PACRGL: variants seen among roughly 807,000 people sequenced by gnomAD.
PACRGL encodes the protein parkin coregulated like.
A neutral mutation model predicts 34.5 loss-of-function variants in PACRGL; 38 were observed. That is an observed-to-expected ratio of 1.10 (90% CI 0.85 to 1.44). PACRGL has a LOEUF of 1.44. Ranked by LOEUF, PACRGL falls within the 40% of genes most tolerant of loss-of-function variation. The pLI is 0.00. For missense variants in PACRGL, 305 were observed against 281.4 expected (o/e 1.08, Z -0.60); for synonymous variants, 128 against 100.1 (o/e 1.28, Z -1.66).
Position 20,728,850 on chromosome 4 carries a change from A to C in PACRGL, c.*1509A>C, listed in dbSNP as rs114494681. 8 of 152,514 alleles carry C rather than the reference A, an allele frequency of 5.2e-5. No homozygotes were observed. The highest frequency in any genetic ancestry group is 1.0e-4 in the Non-Finnish European group (7 of 68,014). The allele number at this position is 152,514 out of a possible 1,614,324, so 9.4% of individuals were successfully genotyped here. ...CTTCTGTAGCCTCTTGGTCTTTGTGATATTTCTACAAAACAGGGACGATGT... is the reference window on the plus strand; with the variant it reads ...CTTCTGTAGCCTCTTGGTCTTTGTGCTATTTCTACAAAACAGGGACGATGT... On this transcript the variant is annotated 3_prime_UTR_variant, in exon 9 of 9. Coordinates refer to ENST00000503585, the MANE Select transcript of PACRGL (RefSeq NM_001258345.3).
chr4:20,711,717 G>T (rs1737310006), intron 5 of PACRGL, among the ~76,000 whole-genome samples: 1 of 151,856 alleles, frequency 6.6e-6, no homozygotes, highest in Non-Finnish European at 1.5e-5. Flanking sequence ...AAAGTCAGAT[G>T]GCCCTTTTGA....
In PACRGL at chr4:20,729,268, G is replaced by C. The variant is rs755472325; in HGVS notation, c.*1927G>C. 3 of 151,926 alleles carry C rather than the reference G, an allele frequency of 2.0e-5. No individual in the cohort carries two copies. The highest frequency in any genetic ancestry group is 4.4e-5 in the Non-Finnish European group (3 of 67,980). 9.4% of individuals were successfully genotyped at this position (151,926 alleles called of 1,614,324 possible). A position where few individuals can be genotyped will look rare whatever the true frequency, so the allele number is the denominator to read the frequency against. On this transcript the variant is annotated 3_prime_UTR_variant, in exon 9 of 9. Transcript: ENST00000503585. ...ATATCCTGACCCTTTGCATATGTCT[G>C]TAAACATCCTTGTTTTGTTTGATGC...
At chr4:20,745,726 T>C (rs187905043) in intron 8 of PACRGL, among the ~76,000 whole-genome samples, 93 of 152,324 alleles carry the variant, frequency 6.1e-4, no homozygotes, top group Admixed American at 2.1e-3. Context: ...ACTTGTTCAG[T>C]TGTGGATTCT....
chr4:20,712,648 T>TA (rs1490512188), intron 5 of PACRGL, 140 bp from the exon 6 acceptor site: 1 of 817,086 alleles, frequency 1.2e-6, no homozygotes, highest in Non-Finnish European at 1.7e-6. Flanking sequence ...ATTGAAATTG[T>TA]AACTACTGAA....
chr4:20,713,330 C>A, intron 6 of PACRGL, 102 bp from the exon 7 acceptor site: 1 of 797,430 alleles, frequency 1.3e-6, no homozygotes, highest in Non-Finnish European at 2.0e-6. Context: ...TTAATCTTAT[C>A]CTTTTCTCTA....
At chr4:20,733,846 A>G (rs908396952), downstream of PACRGL, among the ~76,000 whole-genome samples, 5 of 152,186 alleles carry the variant, frequency 3.3e-5, no homozygotes, top group African/African-American at 9.6e-5. Flanking sequence ...AATGAAACCC[A>G]TTACTACTTA....
the PACRGL span, among the ~76,000 whole-genome samples, chr4:20,759,971 A>T: frequency 6.6e-6 from 1 of 152,192 alleles, no homozygotes; most frequent in Non-Finnish European, 1.5e-5. Context: ...GAACCTGCAG[A>T]TAAGAGAAGT....
chr4:20,710,362 T>G (rs920858013), intron 5 of PACRGL, among the ~76,000 whole-genome samples: 7 of 152,212 alleles, frequency 4.6e-5, no homozygotes, highest in Admixed American at 2.6e-4. Flanking sequence ...TAGCTTCAAG[T>G]GAATCATTGC....
chr4:20,758,484 G>T, the PACRGL span, among the ~76,000 whole-genome samples: 40 of 152,108 alleles, frequency 2.6e-4, 1 homozygote, highest in Admixed American at 5.2e-4. Context: ...TTTCAGAGTT[G>T]GGAGAATCAA....
chr4:20,753,178 A>G (rs1276693216), downstream of PACRGL, among the ~76,000 whole-genome samples: 1 of 152,180 alleles, frequency 6.6e-6, no homozygotes, highest in African/African-American at 2.4e-5. Flanking sequence ...ATTTACATTG[A>G]ACAAAGGTAA....
Position 20,729,803 on chromosome 4 carries a change from A to ACCAATAAAACTATATGCCAGATT in PACRGL, c.*2464_*2486dup, listed in dbSNP as rs1273189265. On this transcript the variant is annotated 3_prime_UTR_variant, in exon 9 of 9. Transcript: ENST00000503585. Reference sequence around the variant, plus strand: ...GCCTCAATAATCCCATGGCTAAGGAACCAATAAAACTATATGCCAGATTCT... The same window carrying ACCAATAAAACTATATGCCAGATT: ...GCCTCAATAATCCCATGGCTAAGGAACCAATAAAACTATATGCCAGATTCCAATAAAACTATATGCCAGATTCT... The ACCAATAAAACTATATGCCAGATT allele has an allele frequency of 6.4e-6, 2 of 312,790 alleles. No homozygotes were observed. Among genetic ancestry groups the ACCAATAAAACTATATGCCAGATT allele is most frequent in the Non-Finnish European group, 1.2e-5 (2 of 171,512 alleles). The allele number at this position is 312,790 out of a possible 1,614,324, so 19.4% of individuals were successfully genotyped here.
chr4:20,756,315 CCTT>C (rs1754438728), downstream of PACRGL, among the ~76,000 whole-genome samples: 1 of 152,118 alleles, frequency 6.6e-6, no homozygotes, highest in South Asian at 2.1e-4. Context: ...TGAGATAAAA[CCTT>C]CTTCCTGAAC....
rs1478914659 is a variant in PACRGL at position 20,702,230 on chromosome 4, T to C, written c.-17+1443T>C. ...AAACTTCCACTGAATTGGTAGGTAG[T>C]ATTGAAAAATGTGCATCATAATTTG... On this transcript the variant is annotated intron_variant, in intron 1 of 8. Coordinates refer to ENST00000503585, the MANE Select transcript of PACRGL (RefSeq NM_001258345.3). 6.6e-6 allele frequency: 3 copies of C among 456,430 alleles called. No individual in the cohort carries two copies. In the East Asian group the frequency reaches 2.1e-4, roughly 32 times the overall value. 28.3% of individuals were successfully genotyped at this position (456,430 alleles called of 1,614,324 possible). A position where few individuals can be genotyped will look rare whatever the true frequency, so the allele number is the denominator to read the frequency against.
chr4:20,743,009 G>A (rs1288922549), intron 8 of PACRGL, among the ~76,000 whole-genome samples: 2 of 151,140 alleles, frequency 1.3e-5, no homozygotes, highest in Non-Finnish European at 2.9e-5. Context: ...ACTTATATGG[G>A]ATGTGAAGGA....
intron 8 of PACRGL, among the ~76,000 whole-genome samples, chr4:20,750,007 C>A (rs1196288902): frequency 6.6e-6 from 1 of 152,108 alleles, no homozygotes; most frequent in Non-Finnish European, 1.5e-5. Context: ...AACACTGGGA[C>A]AAGAAATGGT....
chr4:20,735,118 C>T (rs6447977), downstream of PACRGL, among the ~76,000 whole-genome samples: 1 of 151,690 alleles, frequency 6.6e-6, no homozygotes, highest in Non-Finnish European at 1.5e-5. Context: ...CAATGAAAAA[C>T]CGTTTGCTAA....
At chr4:20,756,734 A>G (rs533333998), downstream of PACRGL, among the ~76,000 whole-genome samples, 2 of 151,822 alleles carry the variant, frequency 1.3e-5, no homozygotes, top group South Asian at 4.2e-4. Flanking sequence ...TCCCAAAGAG[A>G]CCTTCTGATC....
intron 1 of PACRGL, chr4:20,702,308 A>T (rs1405050837): frequency 2.4e-6 from 1 of 421,220 alleles, no homozygotes; most frequent in Non-Finnish European, 4.8e-6. Flanking sequence ...TTTGCTGTGC[A>T]TCGCTTTTAT....
At chr4:20,716,131 C>T (rs931787223) in intron 7 of PACRGL, 9 of 1,505,006 alleles carry the variant, frequency 6.0e-6, no homozygotes, top group Non-Finnish European at 8.0e-6. Context: ...CATGAGGTTC[C>T]CAAGACCACT....
Sources: gnomAD v4.1 joint callset for allele counts (sites outside exome capture counted in the v4.1 genomes callset) on GRCh38, gnomAD v4.1.1 for gene constraint, MANE v1.5 for transcripts, NCBI Gene and HGNC (gene_info 2026-07-23, HGNC 2026-07-21) for gene names.